Variants in GRK3 observed in about 807,000 individuals in gnomAD.
The protein encoded by GRK3 is adrenergic, beta, receptor kinase 2.
A neutral mutation model predicts 95.7 loss-of-function variants in GRK3; 54 were observed. The ratio of observed to expected loss-of-function variants is 0.56; its 90% CI spans 0.45 to 0.71. GRK3 has a LOEUF of 0.71. Ranked by LOEUF, GRK3 falls within the 30% of genes least tolerant of loss-of-function variation. The probability of loss-of-function intolerance (pLI) is 0.00; values close to 1 mark genes in which losing one functional copy is unlikely to be tolerated. For missense variants in GRK3, 649 were observed against 851.2 expected (o/e 0.76, Z 2.96); for synonymous variants, 281 against 290.8 (o/e 0.97, Z 0.34).
intron 1 of GRK3, among the ~76,000 whole-genome samples, chr22:25,575,072 G>T (rs370660121): frequency 2.0e-5 from 3 of 152,284 alleles, no homozygotes; most frequent in East Asian, 3.9e-4. Context: ...CGAGAGTTTT[G>T]TGGACAGGGA....
chr22:25,708,391 G>T (rs1435649526), intron 15 of GRK3, among the ~76,000 whole-genome samples: 1 of 152,164 alleles, frequency 6.6e-6, no homozygotes, highest in Non-Finnish European at 1.5e-5. Flanking sequence ...TGCGGAGAGG[G>T]CTGTGTTAGC....
chr22:25,702,830 C>A (rs1227884128), intron 13 of GRK3: 1 of 456,016 alleles, frequency 2.2e-6, no homozygotes, highest in South Asian at 1.5e-5. Flanking sequence ...CGGCTTGATC[C>A]CCGCTTTACA....
At chr22:25,648,964 G>T in intron 3 of GRK3, 1 of 952,750 alleles carries the variant, frequency 1.0e-6, no homozygotes, top group East Asian at 2.4e-5. Flanking sequence ...ATAAAGTCTG[G>T]TGTCTGCTCA....
At chr22:25,663,499 G>A in intron 4 of GRK3, 131 bp from the exon 5 acceptor site, 1 of 586,616 alleles carries the variant, frequency 1.7e-6, no homozygotes, top group Non-Finnish European at 2.9e-6. Context: ...TTTAAAGAAT[G>A]TTTGTTAATA....
chr22:25,664,661 CA>C (rs980384897), intron 5 of GRK3, among the ~76,000 whole-genome samples: 25 of 151,930 alleles, frequency 1.6e-4, no homozygotes, highest in African/African-American at 4.4e-4. Context: ...GCTGGGACCA[CA>C]GGTGCCCGCC....
intron 2 of GRK3, among the ~76,000 whole-genome samples, chr22:25,629,495 G>A (rs1321815027): frequency 1.3e-5 from 2 of 152,190 alleles, no homozygotes; most frequent in South Asian, 2.1e-4. Context: ...AGAAAAGTGG[G>A]GTGTGTCCCC....
chr22:25,611,831 CTTTTTT>C (rs752711382), intron 2 of GRK3, among the ~76,000 whole-genome samples: 1 of 118,778 alleles, frequency 8.4e-6, no homozygotes, highest in African/African-American at 3.2e-5. Context: ...AGTTTAGTGT[CTTTTTT>C]TTTTTTTTTT....
intron 2 of GRK3, among the ~76,000 whole-genome samples, chr22:25,630,231 C>T (rs948943965): frequency 2.0e-5 from 3 of 152,182 alleles, no homozygotes; most frequent in African/African-American, 7.2e-5. Context: ...TCCCCACCCC[C>T]ACTTTGTCCG....
chr22:25,685,114 A>G (rs1273676660), intron 9 of GRK3, 56 bp from the exon 10 acceptor site: 2 of 1,127,342 alleles, frequency 1.8e-6, no homozygotes, highest in African/African-American at 1.5e-5. Context: ...TTGGTGGTAG[A>G]TGTGCTTTCT....
At chr22:25,621,033 T>C (rs2084581354) in intron 2 of GRK3, among the ~76,000 whole-genome samples, 1 of 152,270 alleles carries the variant, frequency 6.6e-6, no homozygotes, top group Admixed American at 6.5e-5. Context: ...TTTCCTTTAC[T>C]ATACTAGAGG....
At chr22:25,566,039 A>G (rs1234789320) in intron 1 of GRK3, among the ~76,000 whole-genome samples, 1 of 152,174 alleles carries the variant, frequency 6.6e-6, no homozygotes, top group Non-Finnish European at 1.5e-5. Flanking sequence ...AATTTTTTCT[A>G]GTTCATATCA....
intron 3 of GRK3, among the ~76,000 whole-genome samples, chr22:25,647,073 T>C (rs1210982652): frequency 7.2e-6 from 1 of 139,754 alleles, no homozygotes; most frequent in African/African-American, 2.7e-5. Context: ...ATGGCCATCA[T>C]TAAAGGAGAG....
chr22:25,614,152 G>A (rs73166999), intron 2 of GRK3, among the ~76,000 whole-genome samples: 3 of 151,830 alleles, frequency 2.0e-5, no homozygotes, highest in Admixed American at 6.6e-5. Flanking sequence ...TTTTTGAGAC[G>A]GGTCTCATTC....
At chr22:25,672,432 C>T (rs888972969) in intron 7 of GRK3, 85 bp downstream of exon 7, 61 of 753,910 alleles carry the variant, frequency 8.1e-5, no homozygotes, top group Non-Finnish European at 1.2e-4. Flanking sequence ...GATTCTGGAA[C>T]GTACTCCCAG....
At chr22:25,644,708 T>C (rs750770015) in intron 3 of GRK3, 43 bp downstream of exon 3, 21 of 1,010,780 alleles carry the variant, frequency 2.1e-5, no homozygotes, top group Admixed American at 9.2e-5. Context: ...TTCAAAAGCA[T>C]ATTTAAACTG....
intron 5 of GRK3, among the ~76,000 whole-genome samples, chr22:25,666,707 A>G (rs76070380): frequency 3.9e-5 from 6 of 152,110 alleles, no homozygotes; most frequent in East Asian, 1.9e-4. Flanking sequence ...CAGACTTCCT[A>G]TTCTCATCAC....
In GRK3 at chr22:25,725,597, C is replaced by T. The variant is rs1453991053; in HGVS notation, c.*3147C>T. 1 of 398,434 alleles carries T rather than the reference C, an allele frequency of 2.5e-6. No individual in the cohort carries two copies. Among genetic ancestry groups the T allele is most frequent in the Non-Finnish European group, 4.4e-6 (1 of 226,068 alleles). The allele number at this position is 398,434 out of a possible 1,614,324, so 24.7% of individuals were successfully genotyped here. On this transcript the variant is annotated 3_prime_UTR_variant, in exon 21 of 21. Coordinates refer to ENST00000324198, the MANE Select transcript of GRK3 (RefSeq NM_005160.4). ...ATTATGTCACCATTCATGCAAAGTG[C>T]TCATGCCTCTGATTGGTCCATTCAC...
chr22:25,711,920 C>T (rs1208272638), intron 17 of GRK3, among the ~76,000 whole-genome samples: 2 of 152,208 alleles, frequency 1.3e-5, no homozygotes, highest in African/African-American at 4.8e-5. Flanking sequence ...AAACACACAC[C>T]TGTGAGGTGT....
intron 1 of GRK3, among the ~76,000 whole-genome samples, chr22:25,598,099 T>G (rs2084384417): frequency 6.6e-6 from 1 of 152,076 alleles, no homozygotes; most frequent in Non-Finnish European, 1.5e-5. Flanking sequence ...GCCAAAACAA[T>G]GCAAATATAT....
Sources: allele counts gnomAD v4.1 joint callset (sites outside exome capture counted in the v4.1 genomes callset), GRCh38; gene constraint gnomAD v4.1.1; transcripts MANE v1.5; gene names NCBI Gene and HGNC (gene_info 2026-07-23, HGNC 2026-07-21).